Variants in SPHKAP observed in about 807,000 individuals in gnomAD.
The protein encoded by SPHKAP is A-kinase anchor protein SPHKAP.
Under a neutral mutation model 137.5 loss-of-function variants are expected in SPHKAP, and 67 were observed. That is an observed-to-expected ratio of 0.49 (90% confidence interval 0.40 to 0.60). SPHKAP has a LOEUF of 0.60. Among genes scored for constraint, SPHKAP ranks in the 20% least tolerant of loss-of-function variants. SPHKAP has a pLI of 0.00. For synonymous variants in SPHKAP, 813 were observed against 785.3 expected (o/e 1.04, Z -0.59); for missense variants, 2,097 against 2,069.3 (o/e 1.01, Z -0.26).
intron 1 of SPHKAP, among the ~76,000 whole-genome samples, chr2:228,139,431 A>AT (rs1377721968): frequency 6.6e-6 from 1 of 152,174 alleles, no homozygotes; most frequent in Non-Finnish European, 1.5e-5. Context: ...GTACTTCCAA[A>AT]TAGAATGTTA....
intron 3 of SPHKAP, among the ~76,000 whole-genome samples, chr2:228,077,085 T>C (rs1169624246): frequency 2.6e-5 from 4 of 152,140 alleles, no homozygotes; most frequent in South Asian, 2.1e-4. Flanking sequence ...AGCTTCCACA[T>C]GATGTTGAGT....
intron 2 of SPHKAP, among the ~76,000 whole-genome samples, chr2:228,124,468 C>A (rs973850395): frequency 4.0e-5 from 6 of 151,214 alleles, no homozygotes; most frequent in Admixed American, 1.3e-4. Context: ...TCACTCTCAG[C>A]AAACTATCTC....
At chr2:228,016,276 T>G (rs1402601403) in intron 7 of SPHKAP, 130 bp downstream of exon 7, 8 of 1,438,930 alleles carry the variant, frequency 5.6e-6, no homozygotes, top group African/African-American at 1.4e-5. Flanking sequence ...CTCATTTTTT[T>G]TTTTTTTGGT....
chr2:228,063,683 G>A (rs1424880439), intron 3 of SPHKAP, among the ~76,000 whole-genome samples: 1 of 152,172 alleles, frequency 6.6e-6, no homozygotes, highest in Non-Finnish European at 1.5e-5. Flanking sequence ...CAGAGTTTAG[G>A]TGGCTTTGTT....
intron 3 of SPHKAP, among the ~76,000 whole-genome samples, chr2:228,083,345 A>G (rs1222178614): frequency 6.6e-6 from 1 of 152,200 alleles, no homozygotes; most frequent in South Asian, 2.1e-4. Flanking sequence ...ACTCACCAGC[A>G]TCTGTTGTTT....
chr2:228,090,587 T>C lies in SPHKAP; in HGVS notation c.246+18245A>G, dbSNP rs116540662. Among the ~76,000 whole-genome samples, 1,007 of 152,280 alleles carry C rather than the reference T, an allele frequency of 6.6e-3. 5 individuals carry two copies. The highest frequency in any genetic ancestry group is 0.011 in the Non-Finnish European group (746 of 68,004). Reference sequence around the variant, plus strand: ...ATGATATAGTTTGGATGTTTATCCCTTCCAAATCTCATGTTGAAATGTAAT... The same window carrying C: ...ATGATATAGTTTGGATGTTTATCCCCTCCAAATCTCATGTTGAAATGTAAT... On this transcript the variant is annotated intron_variant, in intron 3 of 11. Coordinates refer to ENST00000392056, the MANE Select transcript of SPHKAP (RefSeq NM_001142644.2).
intron 9 of SPHKAP, 28 bp downstream of exon 9, chr2:227,993,506 C>A (rs779893880): frequency 6.4e-7 from 1 of 1,565,142 alleles, no homozygotes; most frequent in South Asian, 1.2e-5. Context: ...AGTGGTCTCA[C>A]AATCACTGCA....
intron 3 of SPHKAP, among the ~76,000 whole-genome samples, chr2:228,060,645 A>G (rs1696601722): frequency 6.6e-6 from 1 of 152,174 alleles, no homozygotes; most frequent in Non-Finnish European, 1.5e-5. Flanking sequence ...ATTTACTGCC[A>G]TGGTTCTGAT....
rs761985250 is a variant in SPHKAP, at chr2:228,178,461, G to A, written c.32+3106C>T. ...TAGTTACCAATATAAAAGTGAGACTGACTTTTTTTCTGTAAGTGGAAACTA... is the reference window on the plus strand; with the variant it reads ...TAGTTACCAATATAAAAGTGAGACTAACTTTTTTTCTGTAAGTGGAAACTA... On this transcript the variant is annotated intron_variant, in intron 1 of 11. Coordinates refer to ENST00000392056, the MANE Select transcript of SPHKAP (RefSeq NM_001142644.2). Among the ~76,000 whole-genome samples, 161 of 152,174 alleles carry A rather than the reference G, an allele frequency of 1.1e-3. 3 individuals carry two copies. The highest frequency in any genetic ancestry group is 3.5e-4 in the Non-Finnish European group (24 of 67,970).
intron 7 of SPHKAP, among the ~76,000 whole-genome samples, chr2:228,007,753 C>A (rs1426898407): frequency 6.6e-6 from 1 of 152,048 alleles, no homozygotes; most frequent in Non-Finnish European, 1.5e-5. Context: ...CAGAAAGAAA[C>A]CCACATATCT....
rs367615950 is a variant in SPHKAP, at chr2:227,991,168, C to T, written c.4791G>A (p.Pro1597=). ...TCTGGGGGCTGGCTGTTCCCGTAGG[C>T]GGTCCAGATGCAGGTGCTGAGAACA... The part of the protein sequence containing the change: ...SESTEAPASG[P]PTGTASPQRS... The change falls in exon 11 of 12, where the codon CCG becomes CCA. Residue 1597 remains proline, a synonymous_variant. Transcript: ENST00000392056. 106 of 1,613,928 alleles carry T rather than the reference C, an allele frequency of 6.6e-5. No individual in the cohort carries two copies. Among genetic ancestry groups the T allele is most frequent in the Non-Finnish European group, 7.7e-5 (91 of 1,179,990 alleles).
chr2:228,069,227 A>G (rs894107137), intron 3 of SPHKAP, among the ~76,000 whole-genome samples: 1 of 152,152 alleles, frequency 6.6e-6, no homozygotes, highest in Non-Finnish European at 1.5e-5. Flanking sequence ...AGATCGTGCC[A>G]TTGCACTCCA....
chr2:228,146,029 C>T (rs1424482759), intron 1 of SPHKAP, among the ~76,000 whole-genome samples: 1 of 152,056 alleles, frequency 6.6e-6, no homozygotes, highest in Non-Finnish European at 1.5e-5. Flanking sequence ...AGGTTTTCTC[C>T]CCTCAGATTT....
At chr2:228,170,665 TTTTACAC>T (rs1700558671) in intron 1 of SPHKAP, among the ~76,000 whole-genome samples, 1 of 152,118 alleles carries the variant, frequency 6.6e-6, no homozygotes, top group African/African-American at 2.4e-5. Context: ...TACATTATGG[TTTTACAC>T]ATAATACTAT....
chr2:228,116,604 G>T (rs1466139787), intron 2 of SPHKAP, among the ~76,000 whole-genome samples: 2 of 152,096 alleles, frequency 1.3e-5, no homozygotes, highest in Non-Finnish European at 2.9e-5. Context: ...AAATATGACT[G>T]AGGACCTTCT....
intron 7 of SPHKAP, among the ~76,000 whole-genome samples, chr2:228,014,263 C>T (rs1207717058): frequency 2.6e-5 from 4 of 152,144 alleles, no homozygotes; most frequent in Admixed American, 1.3e-4. Flanking sequence ...AAGAAGACTC[C>T]AAGTCAGGCA....
intron 3 of SPHKAP, among the ~76,000 whole-genome samples, chr2:228,084,217 C>A (rs899711162): frequency 1.3e-5 from 2 of 152,050 alleles, no homozygotes; most frequent in Admixed American, 1.3e-4. Flanking sequence ...AAAATCCAAG[C>A]CCATTTCATC....
intron 1 of SPHKAP, among the ~76,000 whole-genome samples, chr2:228,176,635 G>A (rs967737923): frequency 2.0e-5 from 3 of 152,196 alleles, no homozygotes; most frequent in Non-Finnish European, 2.9e-5. Flanking sequence ...AACACTTCGG[G>A]AGGCCAGGGC....
intron 3 of SPHKAP, among the ~76,000 whole-genome samples, chr2:228,048,582 C>A (rs971402908): frequency 6.6e-6 from 1 of 152,022 alleles, no homozygotes; most frequent in Non-Finnish European, 1.5e-5. Context: ...TAATACTGTA[C>A]TTTTACTGTA....
Sources: allele counts gnomAD v4.1 joint callset (sites outside exome capture counted in the v4.1 genomes callset), GRCh38; gene constraint gnomAD v4.1.1; transcripts MANE v1.5; gene names NCBI Gene and HGNC (gene_info 2026-07-23, HGNC 2026-07-21).